Variants in KLHL29 observed in about 807,000 individuals in gnomAD.
The protein encoded by KLHL29 is kelch like family member 29, also known as kelch-like protein 29.
In KLHL29, 21 loss-of-function variants were observed where a neutral mutation model predicts 80.4. The ratio of observed to expected loss-of-function variants is 0.26; its 90% CI spans 0.19 to 0.38. The LOEUF is 0.38. Among genes scored for constraint, KLHL29 ranks in the 10% least tolerant of loss-of-function variants. KLHL29 has a pLI of 1.00. For synonymous variants in KLHL29, 511 were observed against 526.8 expected, an observed-to-expected ratio of 0.97 and a Z score of 0.41; for missense variants, 867 against 1,223.9, an observed-to-expected ratio of 0.71 and a Z score of 4.35.
rs949985197 is a variant in KLHL29 at position 23,596,165 on chromosome 2, G to A, written c.285+33684G>A. Among the ~76,000 whole-genome samples the A allele has an allele frequency of 6.6e-6, 1 of 152,240 alleles. No homozygotes were observed. Among genetic ancestry groups the A allele is most frequent in the Non-Finnish European group, 1.5e-5 (1 of 68,040 alleles). On this transcript the variant is annotated intron_variant, in intron 3 of 13. Coordinates refer to ENST00000486442, the MANE Select transcript of KLHL29 (RefSeq NM_052920.2). The surrounding 1 kb of genome is among the most constrained non-coding windows in gnomAD (Gnocchi z 4.4). ...ATAGAGCACCCTCGGCAGCCAGCCG[G>A]ACGGGCAGGCCGGGGGCGGGGCAGG...
intron 5 of KLHL29, among the ~76,000 whole-genome samples, chr2:23,670,448 G>T (rs1419959870): frequency 6.6e-6 from 1 of 152,184 alleles, no homozygotes; most frequent in East Asian, 1.9e-4. Context: ...CTACACAGGG[G>T]CACCGAAGCA....
chr2:23,670,395 G>A (rs72794281), intron 5 of KLHL29: 15,125 of 152,304 alleles, frequency 0.099, 870 homozygotes, highest in Middle Eastern at 0.17. Flanking sequence ...TGGACTCGCC[G>A]ACCGGTGTGA....
chr2:23,661,205 G>T (rs1017094886), intron 5 of KLHL29, among the ~76,000 whole-genome samples: 2 of 152,140 alleles, frequency 1.3e-5, no homozygotes, highest in Non-Finnish European at 2.9e-5. Flanking sequence ...AGCTGGGTAT[G>T]GTGGCATGCA....
At chr2:23,558,412 T>TTTTTTTTTC (rs1553338689) in intron 2 of KLHL29, among the ~76,000 whole-genome samples, 1 of 128,988 alleles carries the variant, frequency 7.8e-6, no homozygotes, top group Non-Finnish European at 1.7e-5. Flanking sequence ...ATTTTCTCTT[T>TTTTTTTTTC]TTTTTTTTTT....
intron 2 of KLHL29, among the ~76,000 whole-genome samples, chr2:23,486,469 G>C (rs764722394): frequency 6.6e-6 from 1 of 151,938 alleles, no homozygotes; most frequent in Non-Finnish European, 1.5e-5. Flanking sequence ...ATTTATGATC[G>C]ATCCCCAAGG....
At chr2:23,494,290 T>C (rs1189981212) in intron 2 of KLHL29, among the ~76,000 whole-genome samples, 3 of 152,088 alleles carry the variant, frequency 2.0e-5, no homozygotes, top group Non-Finnish European at 2.9e-5. Flanking sequence ...ACAAAGGAAA[T>C]TGAATGTCTT....
At position 23,549,392 on chromosome 2, in the gene KLHL29, C is replaced by G. The variant is rs1397128297; in HGVS notation, c.-45-12760C>G. Among the ~76,000 whole-genome samples the G allele has an allele frequency of 1.3e-5, 2 of 152,170 alleles. 1 individual carries two copies. ...ATGTGAACTTGTCAACAGAGGCTGCCTCGTTTGCATGCTTGGGTGGTGATA... is the reference window on the plus strand; with the variant it reads ...ATGTGAACTTGTCAACAGAGGCTGCGTCGTTTGCATGCTTGGGTGGTGATA... On this transcript the variant is annotated intron_variant, in intron 2 of 13. Transcript: ENST00000486442.
chr2:23,437,751 C>G (rs1363908112), intron 1 of KLHL29, among the ~76,000 whole-genome samples: 1 of 152,148 alleles, frequency 6.6e-6, no homozygotes, highest in Non-Finnish European at 1.5e-5. Context: ...CATGATGTCT[C>G]CAGCTTTGTT....
At chr2:23,435,049 A>G (rs1558337031) in intron 1 of KLHL29, among the ~76,000 whole-genome samples, 3 of 152,220 alleles carry the variant, frequency 2.0e-5, no homozygotes, top group East Asian at 1.9e-4. Context: ...CCATAGCTCC[A>G]TGTCCTCAGG....
At chr2:23,706,226 G>C (rs921284982) in intron 13 of KLHL29, among the ~76,000 whole-genome samples, 4 of 152,234 alleles carry the variant, frequency 2.6e-5, no homozygotes, top group African/African-American at 9.6e-5. Context: ...GCCATGGTTA[G>C]TCACTCTGGC....
chr2:23,599,711 T>C (rs958946922), intron 3 of KLHL29, among the ~76,000 whole-genome samples: 5 of 152,152 alleles, frequency 3.3e-5, no homozygotes, highest in Non-Finnish European at 7.4e-5. Flanking sequence ...ATAGCATGCA[T>C]AATTTTTTTC....
intron 2 of KLHL29, among the ~76,000 whole-genome samples, chr2:23,540,151 A>G (rs1666789684): frequency 6.6e-6 from 1 of 151,990 alleles, no homozygotes; most frequent in South Asian, 2.1e-4. Flanking sequence ...TTCTGTGTCC[A>G]GGCTCCCGTC....
chr2:23,615,533 G>T (rs772574087), intron 3 of KLHL29, among the ~76,000 whole-genome samples: 7 of 152,128 alleles, frequency 4.6e-5, no homozygotes, highest in Non-Finnish European at 1.0e-4. Context: ...ACGTCCCCGG[G>T]CTCTGTGTGA....
chr2:23,655,281 A>C (rs1358131643), intron 5 of KLHL29, among the ~76,000 whole-genome samples: 1 of 152,162 alleles, frequency 6.6e-6, no homozygotes, highest in African/African-American at 2.4e-5. Context: ...CAATGCAATA[A>C]AGTTAATGGA....
intron 2 of KLHL29, among the ~76,000 whole-genome samples, chr2:23,506,741 C>T (rs139438111): frequency 2.0e-3 from 310 of 152,306 alleles, no homozygotes; most frequent in African/African-American, 7.1e-3. Context: ...CAGGAACCAC[C>T]GGCTCTTCCT....
intron 1 of KLHL29, among the ~76,000 whole-genome samples, chr2:23,387,496 A>G (rs1377060648): frequency 6.8e-6 from 1 of 146,362 alleles, no homozygotes; most frequent in Admixed American, 6.8e-5. Flanking sequence ...GTCCCACCTC[A>G]TTCCTGATTT....
At chr2:23,644,150 A>G (rs1669854442) in intron 5 of KLHL29, 1 of 152,230 alleles carries the variant, frequency 6.6e-6, no homozygotes, top group Admixed American at 6.5e-5. Flanking sequence ...ACTAGTTTTA[A>G]ATGACAAAAT....
chr2:23,496,880 G>T (rs1665281380), intron 2 of KLHL29, among the ~76,000 whole-genome samples: 1 of 152,186 alleles, frequency 6.6e-6, no homozygotes, highest in Admixed American at 6.5e-5. Flanking sequence ...ACAAATCAGG[G>T]AGTGTGGCAT....
intron 3 of KLHL29, among the ~76,000 whole-genome samples, chr2:23,586,446 A>G (rs1241873382): frequency 7.4e-6 from 1 of 135,242 alleles, no homozygotes. Flanking sequence ...TGCAACCTCC[A>G]TGTCCTGGGT....
Sources: gnomAD v4.1 joint callset for allele counts (sites outside exome capture counted in the v4.1 genomes callset) on GRCh38, gnomAD v4.1.1 for gene constraint, Gnocchi (gnomAD v3.1) non-coding constraint, MANE v1.5 for transcripts, NCBI Gene and HGNC (gene_info 2026-07-23, HGNC 2026-07-21) for gene names.